The following NIBAN1 variants were observed in gnomAD, a reference collection of about 807,000 sequenced individuals.
NIBAN1 encodes niban apoptosis regulator 1, also known as protein Niban 1.
A neutral mutation model predicts 75.1 loss-of-function variants in NIBAN1; 81 were observed. The ratio of observed to expected loss-of-function variants is 1.08; its 90% CI spans 0.90 to 1.30. The LOEUF is 1.30. Ranked by LOEUF, NIBAN1 falls within the 50% of genes most tolerant of loss-of-function variation. The pLI is 0.00. For missense variants in NIBAN1, 1,133 were observed against 1,128.1 expected, an observed-to-expected ratio of 1.00 and a Z score of -0.06; for synonymous variants, 436 against 424.8, an observed-to-expected ratio of 1.03 and a Z score of -0.32.
At chr1:184,896,525 G>A (rs1656805015) in intron 2 of NIBAN1, among the ~76,000 whole-genome samples, 1 of 151,790 alleles carries the variant, frequency 6.6e-6, no homozygotes, top group African/African-American at 2.4e-5. Flanking sequence ...TTTCTTTTTT[G>A]TGTATAGGCT....
rs200932673 is a variant in NIBAN1 at position 184,930,997 on chromosome 1, C to CTTTTTTTTTTTT, written c.56-31700_56-31689dup. 4.4e-5 allele frequency among the ~76,000 whole-genome samples: 5 copies of CTTTTTTTTTTTT among 114,556 alleles called. 1 individual carries two copies. The highest frequency in any genetic ancestry group is 2.4e-4 in the South Asian group (1 of 4,088). 75.2% of individuals were successfully genotyped at this position (114,556 alleles called of 152,430 possible). A position where few individuals can be genotyped will look rare whatever the true frequency, so the allele number is the denominator to read the frequency against. ...GTTTCTAAGTGCACTTTTTCTTCTT[C>CTTTTTTTTTTTT]TTTTTTTTTTTTTTTTTTTTGAGAC... is the stretch of plus-strand genomic sequence containing the variant. On this transcript the variant is annotated intron_variant, in intron 1 of 13. Coordinates refer to ENST00000367511, the MANE Select transcript of NIBAN1 (RefSeq NM_052966.4).
chr1:184,868,847 G>T (rs1004517579), intron 5 of NIBAN1, among the ~76,000 whole-genome samples: 5 of 152,120 alleles, frequency 3.3e-5, no homozygotes, highest in African/African-American at 1.2e-4. Flanking sequence ...CTTGAAGTCG[G>T]CCTGCTTGGC....
intron 5 of NIBAN1, among the ~76,000 whole-genome samples, chr1:184,852,841 T>C (rs1169420792): frequency 6.6e-6 from 1 of 152,184 alleles, no homozygotes; most frequent in Non-Finnish European, 1.5e-5. Flanking sequence ...AAGGCATCAA[T>C]GTGGCTACTG....
At chr1:184,971,579 A>G (rs1019765448) in intron 1 of NIBAN1, among the ~76,000 whole-genome samples, 19 of 152,226 alleles carry the variant, frequency 1.2e-4, no homozygotes, top group African/African-American at 4.3e-4. Context: ...CTGAGGCAGG[A>G]GAATCACTTG....
chr1:184,800,135 ATG>A (rs1653994584), intron 12 of NIBAN1, among the ~76,000 whole-genome samples: 1 of 147,964 alleles, frequency 6.8e-6, no homozygotes, highest in South Asian at 2.1e-4. Flanking sequence ...GCATTTTTTC[ATG>A]TGTTTTTTGG....
intron 5 of NIBAN1, among the ~76,000 whole-genome samples, chr1:184,845,034 C>T (rs1655398535): frequency 6.6e-6 from 1 of 152,148 alleles, no homozygotes; most frequent in African/African-American, 2.4e-5. Flanking sequence ...CAAGAAGAAC[C>T]AGTACCGCCA....
intron 1 of NIBAN1, among the ~76,000 whole-genome samples, chr1:184,901,529 A>G (rs887701789): frequency 1.3e-5 from 2 of 152,200 alleles, no homozygotes; most frequent in Non-Finnish European, 2.9e-5. Flanking sequence ...AACGAATCTC[A>G]CTTTACTAAA....
intron 4 of NIBAN1, 111 bp downstream of exon 4, chr1:184,889,997 G>T: frequency 2.5e-6 from 2 of 811,024 alleles, no homozygotes; most frequent in Non-Finnish European, 4.0e-6. Flanking sequence ...GTCTCCAGAT[G>T]CTGCCAAATG....
At chr1:184,966,798 A>G (rs1451962074) in intron 1 of NIBAN1, among the ~76,000 whole-genome samples, 1 of 152,212 alleles carries the variant, frequency 6.6e-6, no homozygotes, top group Non-Finnish European at 1.5e-5. Context: ...AAAAAAAACC[A>G]CATGGTTTGG....
At chr1:184,851,961 G>A (rs114503903) in intron 5 of NIBAN1, among the ~76,000 whole-genome samples, 398 of 152,080 alleles carry the variant, frequency 2.6e-3, no homozygotes, top group African/African-American at 9.1e-3. Context: ...AGCGCTGGCA[G>A]CTTCCAAAGC....
chr1:184,933,248 C>T (rs1657871656), intron 1 of NIBAN1, among the ~76,000 whole-genome samples: 1 of 152,220 alleles, frequency 6.6e-6, no homozygotes, highest in South Asian at 2.1e-4. Context: ...TTTCAGAATC[C>T]TGTCCATCCT....
At chr1:184,869,077 C>T (rs1557893966) in intron 5 of NIBAN1, among the ~76,000 whole-genome samples, 1 of 152,084 alleles carries the variant, frequency 6.6e-6, no homozygotes, top group Non-Finnish European at 1.5e-5. Context: ...AGGACCCACC[C>T]CAGGCCAGGG....
Position 184,808,056 on chromosome 1 carries a change from T to C in NIBAN1, c.1335+18A>G. On this transcript the variant is annotated intron_variant, in intron 10 of 13. Transcript: ENST00000367511. ...TCTCTTTACCCTCATCCACCACGGA[T>C]GCCCCTGCCACACCCACCTCCTGCA... is the stretch of plus-strand genomic sequence containing the variant. The C allele has an allele frequency of 6.2e-7, 1 of 1,613,404 alleles. No individual in the cohort carries two copies. The highest frequency in any genetic ancestry group is 8.5e-7 in the Non-Finnish European group (1 of 1,179,572).
intron 1 of NIBAN1, among the ~76,000 whole-genome samples, chr1:184,958,642 T>G (rs910751683): frequency 1.3e-5 from 2 of 152,196 alleles, no homozygotes; most frequent in East Asian, 3.9e-4. Context: ...TGGCACATAG[T>G]AGGCACTCAA....
chr1:184,931,268 G>A (rs911954545), intron 1 of NIBAN1, among the ~76,000 whole-genome samples: 2 of 152,074 alleles, frequency 1.3e-5, no homozygotes, highest in Admixed American at 1.3e-4. Flanking sequence ...CCAAAGTGCT[G>A]GGATTACAGG....
intron 9 of NIBAN1, among the ~76,000 whole-genome samples, chr1:184,814,774 C>T (rs980110718): frequency 2.6e-5 from 4 of 152,176 alleles, no homozygotes; most frequent in Non-Finnish European, 4.4e-5. Context: ...GAATGAACTC[C>T]ATGGTCTAAG....
At chr1:184,961,321 G>A (rs1467396100) in intron 1 of NIBAN1, among the ~76,000 whole-genome samples, 2 of 151,762 alleles carry the variant, frequency 1.3e-5, no homozygotes, top group South Asian at 2.1e-4. Context: ...CACCCGCCTC[G>A]GCCTCCCAAA....
intron 1 of NIBAN1, among the ~76,000 whole-genome samples, chr1:184,916,199 C>T (rs897747653): frequency 6.6e-6 from 1 of 152,150 alleles, no homozygotes; most frequent in Non-Finnish European, 1.5e-5. Context: ...GTGAGCTCTT[C>T]ACATCATTGA....
At chr1:184,831,347 A>G (rs75530641) in intron 6 of NIBAN1, among the ~76,000 whole-genome samples, 4,153 of 152,298 alleles carry the variant, frequency 0.027, 150 homozygotes, top group African/African-American at 0.082. Context: ...ACAGCTGCGT[A>G]CCAAATACTT....
Sources: allele counts gnomAD v4.1 joint callset (sites outside exome capture counted in the v4.1 genomes callset), GRCh38; gene constraint gnomAD v4.1.1; transcripts MANE v1.5; gene names NCBI Gene and HGNC (gene_info 2026-07-23, HGNC 2026-07-21).